PSMA1: variants seen among roughly 807,000 people sequenced by gnomAD.
PSMA1 encodes proteasome subunit alpha type-1.
A neutral mutation model predicts 38.4 loss-of-function variants in PSMA1; 3 were observed. The observed-to-expected ratio is 0.08, with a 90% confidence interval of 0.04 to 0.20. The LOEUF is 0.20. Ranked by LOEUF, PSMA1 falls within the 10% of genes least tolerant of loss-of-function variation. The probability of loss-of-function intolerance (pLI) is 1.00; values close to 1 mark genes in which losing one functional copy is unlikely to be tolerated. For missense variants in PSMA1, 227 were observed against 325.3 expected, an observed-to-expected ratio of 0.70 and a Z score of 2.32; for synonymous variants, 101 against 107.1, an observed-to-expected ratio of 0.94 and a Z score of 0.35.
intron 1 of PSMA1, among the ~76,000 whole-genome samples, chr11:14,623,614 C>T (rs1852876012): frequency 6.6e-6 from 1 of 152,110 alleles, no homozygotes; most frequent in Admixed American, 6.5e-5. Flanking sequence ...CAATAGAAAG[C>T]ATCTACCATG....
chr11:14,596,467 G>C (rs1425972736), intron 2 of PSMA1, among the ~76,000 whole-genome samples: 1 of 152,174 alleles, frequency 6.6e-6, no homozygotes, highest in Non-Finnish European at 1.5e-5. Context: ...CACGTCCCTT[G>C]TAAGTTGGAT....
chr11:14,628,489 C>T (rs536957509), intron 1 of PSMA1, among the ~76,000 whole-genome samples: 183 of 151,064 alleles, frequency 1.2e-3, no homozygotes, highest in African/African-American at 4.3e-3. Flanking sequence ...CTACAAAGGA[C>T]ATGAACTCAT....
At chr11:14,532,051 T>G (rs1159311646) in intron 2 of PSMA1, among the ~76,000 whole-genome samples, 1 of 152,108 alleles carries the variant, frequency 6.6e-6, no homozygotes, top group African/African-American at 2.4e-5. Flanking sequence ...TTGCTGAGAC[T>G]CTGACTAATA....
chr11:14,512,215 A>C (rs1851355982), intron 7 of PSMA1, among the ~76,000 whole-genome samples: 1 of 152,154 alleles, frequency 6.6e-6, no homozygotes, highest in African/African-American at 2.4e-5. Flanking sequence ...TCTCTACTAA[A>C]AATACAAAAT....
chr11:14,606,235 A>G (rs1331973322), intron 2 of PSMA1, among the ~76,000 whole-genome samples: 1 of 152,110 alleles, frequency 6.6e-6, no homozygotes, highest in Admixed American at 6.6e-5. Flanking sequence ...CCATTGGTCT[A>G]TGTGTTTCTG....
intron 2 of PSMA1, among the ~76,000 whole-genome samples, chr11:14,577,082 G>T (rs1401024337): frequency 6.6e-6 from 1 of 152,162 alleles, no homozygotes; most frequent in Non-Finnish European, 1.5e-5. Context: ...CTCTCTGTTT[G>T]TCTGTTATTG....
intron 2 of PSMA1, among the ~76,000 whole-genome samples, chr11:14,599,872 G>C (rs1301659633): frequency 6.6e-6 from 1 of 152,206 alleles, no homozygotes; most frequent in Non-Finnish European, 1.5e-5. Flanking sequence ...CCCCATCTTT[G>C]TGGTTTTATC....
rs1852248738 is a variant in PSMA1, at chr11:14,578,754, C to T, written c.21+32212G>A. ...AGTTGGTGACAAACAAGAGCTGATA[C>T]CAGATGGGTGTAAGTGGTTACATGT... is the stretch of plus-strand genomic sequence containing the variant. On this transcript the variant is annotated intron_variant, in intron 2 of 10. Coordinates refer to the PSMA1 transcript ENST00000418988. Among the ~76,000 whole-genome samples the T allele has an allele frequency of 2.0e-5, 3 of 152,114 alleles. No individual in the cohort carries two copies. In the South Asian group the frequency reaches 6.2e-4, roughly 32 times the overall value.
At chr11:14,617,050 T>C (rs1008596041) in intron 1 of PSMA1, among the ~76,000 whole-genome samples, 5 of 152,216 alleles carry the variant, frequency 3.3e-5, no homozygotes, top group African/African-American at 9.6e-5. Context: ...ACACAGGGCA[T>C]GGAAGAACAG....
intron 2 of PSMA1, among the ~76,000 whole-genome samples, chr11:14,548,101 T>G (rs1231201140): frequency 6.6e-6 from 1 of 152,206 alleles, no homozygotes; most frequent in Non-Finnish European, 1.5e-5. Context: ...GATGTTTATA[T>G]AGCTCTTATG....
At position 14,520,123 on chromosome 11, in the gene PSMA1, C is replaced by T. The variant is rs563933019; in HGVS notation, c.3+174G>A. ...GAAAGGCCGCACTGGCTACCGATAA[C>T]CCCTAGCCCGGCCAGGCCGGAGATG... On this transcript the variant is annotated intron_variant, in intron 1 of 9. Transcript: ENST00000396394. 102 of 1,037,836 alleles carry T rather than the reference C, an allele frequency of 9.8e-5. No individual in the cohort carries two copies. In the African/African-American group the frequency reaches 1.4e-3, roughly 14 times the overall value. 64.3% of individuals were successfully genotyped at this position (1,037,836 alleles called of 1,614,324 possible).
At chr11:14,521,400 G>C (rs1851527850), upstream of PSMA1, among the ~76,000 whole-genome samples, 3 of 151,664 alleles carry the variant, frequency 2.0e-5, no homozygotes, top group Admixed American at 1.3e-4. Context: ...GCTGATGTGG[G>C]AGGATCTCTT....
At chr11:14,525,386 C>T (rs1011758549), upstream of PSMA1, among the ~76,000 whole-genome samples, 1 of 152,040 alleles carries the variant, frequency 6.6e-6, no homozygotes, top group Non-Finnish European at 1.5e-5. Context: ...CCTTGGCGAC[C>T]GATCATGCAC....
intron 1 of PSMA1, among the ~76,000 whole-genome samples, chr11:14,641,185 A>T (rs76756298): frequency 1.5e-5 from 2 of 137,218 alleles, no homozygotes; most frequent in South Asian, 2.2e-4. Context: ...AATAATAATT[A>T]AAAAAAAAAA....
chr11:14,520,256 A>C (rs748857415), intron 1 of PSMA1, 41 bp downstream of exon 1: 2 of 1,613,786 alleles, frequency 1.2e-6, no homozygotes, highest in Non-Finnish European at 1.7e-6. Context: ...CAGTCACCAG[A>C]GCTCTGCCCT....
chr11:14,620,776 G>A (rs941940737), intron 1 of PSMA1, among the ~76,000 whole-genome samples: 2 of 152,096 alleles, frequency 1.3e-5, no homozygotes, highest in Non-Finnish European at 2.9e-5. Context: ...CCACTTCCTA[G>A]CTTTCTTAAA....
intron 1 of PSMA1, among the ~76,000 whole-genome samples, chr11:14,629,738 A>G (rs897373127): frequency 6.6e-6 from 1 of 151,786 alleles, no homozygotes; most frequent in African/African-American, 2.4e-5. Flanking sequence ...GATGGCATTG[A>G]ATCTGTAAAT....
intron 2 of PSMA1, among the ~76,000 whole-genome samples, chr11:14,602,232 G>A (rs920998757): frequency 7.2e-5 from 11 of 152,158 alleles, no homozygotes; most frequent in Admixed American, 2.0e-4. Context: ...GATAGAGACC[G>A]TTTCCCAGAA....
chr11:14,519,924 T>C (rs1851498754), intron 1 of PSMA1: 2 of 247,722 alleles, frequency 8.1e-6, no homozygotes, highest in Admixed American at 5.2e-5. Flanking sequence ...AAGTCCGCAC[T>C]GGTGGTACAG....
Sources: gnomAD v4.1 joint callset for allele counts (sites outside exome capture counted in the v4.1 genomes callset) on GRCh38, gnomAD v4.1.1 for gene constraint, MANE v1.5 for transcripts, NCBI Gene and HGNC (gene_info 2026-07-23, HGNC 2026-07-21) for gene names.